BIRC6: variants seen among roughly 807,000 people sequenced by gnomAD.
BIRC6 encodes dual E2 ubiquitin-conjugating enzyme/E3 ubiquitin-protein ligase BIRC6.
BIRC6 carries 98 observed loss-of-function variants against 503.3 expected under a neutral mutation model. That is an observed-to-expected ratio of 0.19 (90% CI 0.17 to 0.23). The LOEUF (loss-of-function observed/expected upper bound fraction) is 0.23, where lower values mean the gene tolerates loss of function less well. Among genes scored for constraint, BIRC6 ranks in the 10% least tolerant of loss-of-function variants. The probability of loss-of-function intolerance (pLI) is 1.00; values close to 1 mark genes in which losing one functional copy is unlikely to be tolerated. For synonymous variants in BIRC6, 2,240 were observed against 2,078.7 expected, an observed-to-expected ratio of 1.08 and a Z score of -2.11; for missense variants, 5,360 against 5,806.0, an observed-to-expected ratio of 0.92 and a Z score of 2.50.
At chr2:32,525,442 C>G in intron 58 of BIRC6, 22 bp from the exon 59 acceptor site, 3 of 1,613,638 alleles carry the variant, frequency 1.9e-6, no homozygotes, top group Non-Finnish European at 1.7e-6. Context: ...TATGTAGAAT[C>G]TTACTGATCC....
At chr2:32,405,803 A>T (rs1411776898) in intron 8 of BIRC6, among the ~76,000 whole-genome samples, 1 of 152,218 alleles carries the variant, frequency 6.6e-6, no homozygotes, top group South Asian at 2.1e-4. Context: ...TCAGTAATAG[A>T]ATAGTTCTTA....
chr2:32,556,565 G>C (rs2058792211), intron 65 of BIRC6, among the ~76,000 whole-genome samples: 2 of 152,192 alleles, frequency 1.3e-5, no homozygotes, highest in East Asian at 3.9e-4. Flanking sequence ...AGCTGTGTTT[G>C]TTTCCAGATT....
At chr2:32,546,386 C>G (rs2058054151) in intron 63 of BIRC6, among the ~76,000 whole-genome samples, 1 of 152,028 alleles carries the variant, frequency 6.6e-6, no homozygotes, top group Admixed American at 6.6e-5. Context: ...TCGAGACTAG[C>G]CTGGCTAACA....
chr2:32,505,112 C>T lies in BIRC6; in HGVS notation c.9607C>T (p.Pro3203Ser). ...RSAAWSYIFL[P>S]EEAWCDLTIH... ...TGCTGCTTGGTCCTACATCTTTCTT[C>T]CAGAGGAGGCTTGGTGTGACCTTAC... Residue 3203 changes from proline to serine, a missense_variant, in exon 50 of 74, where the codon CCA becomes TCA. By Grantham distance (74) the Pro-to-Ser change is moderately conservative. Transcript: ENST00000421745. 1.9e-6 allele frequency: 3 copies of T among 1,609,866 alleles called. No individual in the cohort carries two copies. Among genetic ancestry groups the T allele is most frequent in the Non-Finnish European group, 2.5e-6 (3 of 1,177,998 alleles).
intron 61 of BIRC6, among the ~76,000 whole-genome samples, chr2:32,531,782 G>A (rs1388372293): frequency 1.3e-5 from 2 of 152,152 alleles, no homozygotes; most frequent in Non-Finnish European, 2.9e-5. Flanking sequence ...TTACTACACT[G>A]TTGCATTTAT....
chr2:32,371,215 CAAAAAAA>C (rs1179033406), intron 1 of BIRC6, among the ~76,000 whole-genome samples: 54 of 28,700 alleles, frequency 1.9e-3, no homozygotes, highest in East Asian at 8.2e-3. Flanking sequence ...GACCCTGTCT[CAAAAAAA>C]AAAAAAAAAA....
At chr2:32,387,747 G>T (rs1305528032) in intron 3 of BIRC6, among the ~76,000 whole-genome samples, 1 of 152,242 alleles carries the variant, frequency 6.6e-6, no homozygotes, top group East Asian at 1.9e-4. Flanking sequence ...ATGGATGGAG[G>T]TATTTGAGTG....
chr2:32,609,908 A>C (rs187261525), intron 72 of BIRC6, among the ~76,000 whole-genome samples: 144 of 152,328 alleles, frequency 9.5e-4, no homozygotes, highest in African/African-American at 3.2e-3. Flanking sequence ...GCTTGCGTTA[A>C]AGGGGCCACT....
intron 47 of BIRC6, 85 bp from the exon 48 acceptor site, chr2:32,502,708 TAA>T: frequency 1.0e-6 from 1 of 989,290 alleles, no homozygotes; most frequent in Non-Finnish European, 1.4e-6. Context: ...TTACAAAAAT[TAA>T]CTAGGAAGGA....
At chr2:32,548,425 G>A (rs1421474933) in intron 64 of BIRC6, among the ~76,000 whole-genome samples, 1 of 138,796 alleles carries the variant, frequency 7.2e-6, no homozygotes, top group Non-Finnish European at 1.5e-5. Flanking sequence ...CTGGAGTGCA[G>A]TGGCGTGATC....
At chr2:32,617,642 T>A in intron 73 of BIRC6, 83 bp from the exon 74 acceptor site, 1 of 1,391,008 alleles carries the variant, frequency 7.2e-7, no homozygotes, top group Non-Finnish European at 9.7e-7. Flanking sequence ...TGCTTTGGGC[T>A]TTGTTGAAAT....
chr2:32,504,543 T>C (rs1333997242), intron 49 of BIRC6, among the ~76,000 whole-genome samples: 1 of 151,900 alleles, frequency 6.6e-6, no homozygotes, highest in African/African-American at 2.4e-5. Context: ...TGCAGGCGCC[T>C]GTAGTCCCAG....
chr2:32,430,742 A>C, intron 11 of BIRC6, 123 bp from the exon 12 acceptor site: 1 of 687,152 alleles, frequency 1.5e-6, no homozygotes, highest in African/African-American at 1.8e-5. Flanking sequence ...TAACTTTCAG[A>C]ATATTTGGCA....
Position 32,476,306 on chromosome 2 carries a change from C to A in BIRC6, c.6814C>A (p.Leu2272Met). Reference sequence around the variant, plus strand: ...TAACAAAGGATCATCATATAAACTCCTGGTAGAACAAGCAAAACTAAAGCA... The same window carrying A: ...TAACAAAGGATCATCATATAAACTCATGGTAGAACAAGCAAAACTAAAGCA... ...QSNKGSSYKL[L>M]VEQAKLKQAT... The change falls in exon 34 of 74, where the codon CTG becomes ATG. Residue 2272 changes from leucine to methionine, a missense_variant. Leu to Met is a conservative substitution (Grantham distance 15). Coordinates refer to ENST00000421745, the MANE Select transcript of BIRC6 (RefSeq NM_016252.4). The A allele has an allele frequency of 6.4e-7, 1 of 1,574,690 alleles. No homozygotes were observed.
rs577911646 is a variant in BIRC6, at chr2:32,408,330, G to C, written c.1477+1773G>C. 2.9e-3 allele frequency among the ~76,000 whole-genome samples: 440 copies of C among 152,046 alleles called. 2 individuals carry two copies. The highest frequency in any genetic ancestry group is 0.01 in the African/African-American group (430 of 41,484). On this transcript the variant is annotated intron_variant, in intron 9 of 73. Transcript: ENST00000421745. The stretch of plus-strand genomic sequence containing the variant: ...GTCCCTCTGTGGCCAGGCTGGTCTC[G>C]AGCTGCTGACCTCAGGTGATCCACT...
intron 62 of BIRC6, 37 bp from the exon 63 acceptor site, chr2:32,545,604 CTG>C (rs750793219): frequency 1.3e-5 from 20 of 1,522,702 alleles, no homozygotes; most frequent in Non-Finnish European, 1.5e-5. Context: ...GTGTTTTTAA[CTG>C]TTTTTAATCT....
At chr2:32,478,105 C>T (rs564814741) in intron 35 of BIRC6, among the ~76,000 whole-genome samples, 6 of 151,940 alleles carry the variant, frequency 3.9e-5, no homozygotes, top group South Asian at 2.1e-4. Flanking sequence ...CTTCGGGAGG[C>T]GGAGGGGCGG....
intron 15 of BIRC6, among the ~76,000 whole-genome samples, chr2:32,438,185 C>T (rs189308176): frequency 6.6e-6 from 1 of 152,006 alleles, no homozygotes; most frequent in Non-Finnish European, 1.5e-5. Flanking sequence ...ATATTTTTTT[C>T]CATAAAATTC....
Position 32,433,634 on chromosome 2 carries a change from T to C in BIRC6, c.3249-10T>C. 6.5e-7 allele frequency: 1 copy of C among 1,531,888 alleles called. No individual in the cohort carries two copies. Among genetic ancestry groups the C allele is most frequent in the Non-Finnish European group, 8.9e-7 (1 of 1,123,254 alleles). The allele number at this position is 1,531,888 out of a possible 1,614,324, so 94.9% of individuals were successfully genotyped here. A position where few individuals can be genotyped will look rare whatever the true frequency, so the allele number is the denominator to read the frequency against. On this transcript the variant is annotated splice_polypyrimidine_tract_variant and intron_variant, in intron 12 of 73. Coordinates refer to ENST00000421745, the MANE Select transcript of BIRC6 (RefSeq NM_016252.4). ...TTGCTTTATTTAGCATTTTTCCCCT[T>C]ATTTGACAGCAACAGCTGGGATGAA...
Sources: gnomAD v4.1 joint callset for allele counts (sites outside exome capture counted in the v4.1 genomes callset) on GRCh38, gnomAD v4.1.1 for gene constraint, MANE v1.5 for transcripts, NCBI Gene and HGNC (gene_info 2026-07-23, HGNC 2026-07-21) for gene names.